The following FSTL4 variants were observed in gnomAD, a reference collection of about 807,000 sequenced individuals.
The protein encoded by FSTL4 is follistatin-related protein 4.
Under a neutral mutation model 78.2 loss-of-function variants are expected in FSTL4, and 28 were observed. The ratio of observed to expected loss-of-function variants is 0.36; its 90% CI spans 0.27 to 0.49. The LOEUF (loss-of-function observed/expected upper bound fraction) is 0.49, where lower values mean the gene tolerates loss of function less well. Among genes scored for constraint, FSTL4 ranks in the 20% least tolerant of loss-of-function variants. The probability of loss-of-function intolerance (pLI) is 0.98; values close to 1 mark genes in which losing one functional copy is unlikely to be tolerated. For synonymous variants in FSTL4, 422 were observed against 440.5 expected, an observed-to-expected ratio of 0.96 and a Z score of 0.53; for missense variants, 922 against 1,084.9, an observed-to-expected ratio of 0.85 and a Z score of 2.11.
the FSTL4 span, among the ~76,000 whole-genome samples, chr5:133,820,357 A>G: frequency 6.6e-6 from 1 of 152,186 alleles, no homozygotes; most frequent in African/African-American, 2.4e-5. Flanking sequence ...CGTTTATGGA[A>G]CTTGTCATTG....
chr5:133,364,154 A>G (rs17166642), intron 4 of FSTL4, among the ~76,000 whole-genome samples: 17,846 of 152,228 alleles, frequency 0.12, 1,196 homozygotes, highest in African/African-American at 0.18. Flanking sequence ...TATGGAACCA[A>G]GAGTGCCCAT....
the FSTL4 span, among the ~76,000 whole-genome samples, chr5:133,773,961 G>A: frequency 6.6e-6 from 1 of 152,166 alleles, no homozygotes; most frequent in African/African-American, 2.4e-5. Flanking sequence ...GCATATGATG[G>A]AGTGCAGGTG....
At chr5:133,618,701 C>T in the FSTL4 span, among the ~76,000 whole-genome samples, 2 of 152,188 alleles carry the variant, frequency 1.3e-5, no homozygotes, top group East Asian at 3.9e-4. Context: ...AAAGAAGTTA[C>T]CCAGTTTATC....
intron 6 of FSTL4, among the ~76,000 whole-genome samples, chr5:133,252,933 C>T (rs545000009): frequency 6.6e-6 from 1 of 152,286 alleles, no homozygotes; most frequent in South Asian, 2.1e-4. Context: ...AAGATGTGCA[C>T]TTTGCGCAGG....
At chr5:133,798,825 C>A in the FSTL4 span, among the ~76,000 whole-genome samples, 1 of 152,092 alleles carries the variant, frequency 6.6e-6, no homozygotes, top group African/African-American at 2.4e-5. Flanking sequence ...TGTCTGCCTC[C>A]CCCACCCTGA....
intron 3 of FSTL4, among the ~76,000 whole-genome samples, chr5:133,517,104 A>G (rs1258124446): frequency 6.6e-6 from 1 of 151,544 alleles, no homozygotes; most frequent in Non-Finnish European, 1.5e-5. Context: ...CTTATAGCAA[A>G]CATTGAACTC....
upstream of FSTL4, among the ~76,000 whole-genome samples, chr5:133,616,315 ATCT>A (rs1761197867): frequency 1.4e-5 from 2 of 142,994 alleles, no homozygotes; most frequent in African/African-American, 5.2e-5. Flanking sequence ...ATCTAAATCT[ATCT>A]ATCTATCTAT....
At chr5:133,498,084 A>AC (rs202037978) in intron 3 of FSTL4, among the ~76,000 whole-genome samples, 3,313 of 151,934 alleles carry the variant, frequency 0.022, 123 homozygotes, top group African/African-American at 0.076. Context: ...ATTCTTTAGC[A>AC]CCCCCCCAAT....
chr5:133,276,525 A>G (rs1167849714), intron 6 of FSTL4, among the ~76,000 whole-genome samples: 1 of 152,218 alleles, frequency 6.6e-6, no homozygotes, highest in Non-Finnish European at 1.5e-5. Context: ...TCTCAAGGCC[A>G]TGGTGGGGGA....
intron 3 of FSTL4, among the ~76,000 whole-genome samples, chr5:133,402,599 A>G (rs1756257201): frequency 6.6e-6 from 1 of 152,236 alleles, no homozygotes; most frequent in Non-Finnish European, 1.5e-5. Flanking sequence ...AGAAGAAAAA[A>G]AAAAGAAAAA....
chr5:133,823,502 G>A, the FSTL4 span, among the ~76,000 whole-genome samples: 1 of 152,108 alleles, frequency 6.6e-6, no homozygotes, highest in Admixed American at 6.5e-5. Flanking sequence ...ACACAGAGGG[G>A]AGATCTCACT....
intron 2 of FSTL4, among the ~76,000 whole-genome samples, chr5:133,583,094 G>A (rs1342852191): frequency 6.6e-6 from 1 of 152,214 alleles, no homozygotes; most frequent in Non-Finnish European, 1.5e-5. Context: ...ACATGAGCTT[G>A]CCTCTGGCCT....
chr5:133,624,338 C>T, the FSTL4 span, among the ~76,000 whole-genome samples: 3 of 151,944 alleles, frequency 2.0e-5, no homozygotes, highest in East Asian at 5.8e-4. Context: ...TGAAAGAAGG[C>T]ATACACAAAA....
chr5:133,612,832 G>T (rs1580823161), upstream of FSTL4, among the ~76,000 whole-genome samples: 1 of 152,158 alleles, frequency 6.6e-6, no homozygotes, highest in South Asian at 2.1e-4. The surrounding 1 kb of genome is among the most constrained non-coding windows in gnomAD (Gnocchi z 6.2). Flanking sequence ...TCCGGGCCAG[G>T]TTCCCCAAAG....
At chr5:133,683,705 T>G in the FSTL4 span, among the ~76,000 whole-genome samples, 1 of 152,340 alleles carries the variant, frequency 6.6e-6, no homozygotes, top group South Asian at 2.1e-4. Context: ...ATTGAAAACA[T>G]AACCAAGGAC....
At chr5:133,610,697 AGTCTGTCCTGGGGGCCAGAGGGGCAG>A (rs1191891232) in intron 1 of FSTL4, among the ~76,000 whole-genome samples, 1 of 152,180 alleles carries the variant, frequency 6.6e-6, no homozygotes, top group Non-Finnish European at 1.5e-5. Context: ...CCAGACCCAG[AGTCTGTCCTGGGGGCCAGAGGGGCAG>A]GCACAGAAAC....
At chr5:133,211,143 C>T (rs1385145398) in intron 13 of FSTL4, among the ~76,000 whole-genome samples, 4 of 152,186 alleles carry the variant, frequency 2.6e-5, no homozygotes, top group African/African-American at 7.2e-5. Flanking sequence ...CATCAGCAGA[C>T]GTGCTCTTTT....
At position 133,505,700 on chromosome 5, in the gene FSTL4, A is replaced by T. The variant is rs548632998; in HGVS notation, c.160+61486T>A. 1.7e-4 allele frequency among the ~76,000 whole-genome samples: 26 copies of T among 152,368 alleles called. No homozygotes were observed. In the South Asian group the frequency reaches 3.7e-3, roughly 22 times the overall value. ...AGGGATGCATTCCCTACAGCTGCCC[A>T]ATTTTTTCACAAGTGGATGAGAAAC... is the stretch of plus-strand genomic sequence containing the variant. On this transcript the variant is annotated intron_variant, in intron 3 of 15. Coordinates refer to ENST00000265342, the MANE Select transcript of FSTL4 (RefSeq NM_015082.2).
chr5:133,475,874 G>T (rs1384441907), intron 3 of FSTL4, among the ~76,000 whole-genome samples: 1 of 152,142 alleles, frequency 6.6e-6, no homozygotes, highest in African/African-American at 2.4e-5. Flanking sequence ...TCTCACGCGT[G>T]TGTGAGAGTT....
Sources: gnomAD v4.1 joint callset for allele counts (sites outside exome capture counted in the v4.1 genomes callset) on GRCh38, gnomAD v4.1.1 for gene constraint, Gnocchi (gnomAD v3.1) non-coding constraint, MANE v1.5 for transcripts, NCBI Gene and HGNC (gene_info 2026-07-23, HGNC 2026-07-21) for gene names.